The following THRAP3 variants were observed in gnomAD, a reference collection of about 807,000 sequenced individuals.
THRAP3 encodes thyroid hormone receptor-associated protein 3.
A neutral mutation model predicts 101.0 loss-of-function variants in THRAP3; 16 were observed. The ratio of observed to expected loss-of-function variants is 0.16; its 90% confidence interval spans 0.11 to 0.24. The LOEUF is 0.24. Among genes scored for constraint, THRAP3 ranks in the 10% least tolerant of loss-of-function variants. The pLI is 1.00. For missense variants in THRAP3, 989 were observed against 1,202.7 expected, an observed-to-expected ratio of 0.82 and a Z score of 2.63; for synonymous variants, 407 against 422.6, an observed-to-expected ratio of 0.96 and a Z score of 0.45.
At position 36,293,306 on chromosome 1, in the gene THRAP3, G is replaced by A. The variant is rs1645902269; in HGVS notation, c.2031-545G>A. Among the ~76,000 whole-genome samples, 6 of 152,266 alleles carry A rather than the reference G, an allele frequency of 3.9e-5. No individual in the cohort carries two copies. The South Asian group carries it at 1.0e-3, about 26-fold the overall frequency. On this transcript the variant is annotated intron_variant, in intron 7 of 11. Transcript: ENST00000354618. ...AGCCTCCCAAAGTGCTGGGATTACA[G>A]GCGTGAGCCACTGCGCCCAGCCTAA...
At chr1:36,275,635 A>C (rs1277040898) in intron 2 of THRAP3, among the ~76,000 whole-genome samples, 3 of 146,274 alleles carry the variant, frequency 2.1e-5, no homozygotes, top group Non-Finnish European at 4.5e-5. Context: ...TTTGAGATGG[A>C]GTTTCACTCT....
At chr1:36,265,388 A>G (rs1364772251) in intron 2 of THRAP3, among the ~76,000 whole-genome samples, 3 of 151,924 alleles carry the variant, frequency 2.0e-5, no homozygotes, top group Non-Finnish European at 1.5e-5. Flanking sequence ...AAAACCTCCA[A>G]AGTCACAGTA....
At chr1:36,263,619 T>G (rs1417945017) in intron 2 of THRAP3, among the ~76,000 whole-genome samples, 1 of 152,152 alleles carries the variant, frequency 6.6e-6, no homozygotes. Context: ...GGGCTAAAAT[T>G]ACTGTTACTG....
At chr1:36,269,745 T>TC (rs929775860) in intron 2 of THRAP3, among the ~76,000 whole-genome samples, 11 of 152,000 alleles carry the variant, frequency 7.2e-5, no homozygotes, top group African/African-American at 1.5e-4. Flanking sequence ...TAATTTTTTT[T>TC]TTTTTAAATC....
In THRAP3 at chr1:36,241,383, GTGTATATATATATATATATATA is replaced by G. The variant is rs1294201907; in HGVS notation, c.-135+16880_-135+16901del. ...TTCCCATTATCTGAAATGATAATGGGTGTATATATATATATATATATATATATATATATATATATATATATAC... is the reference window on the plus strand; with the variant it reads ...TTCCCATTATCTGAAATGATAATGGGTATATATATATATATATATATATAC... On this transcript the variant is annotated intron_variant, in intron 1 of 11. Coordinates refer to ENST00000354618, the MANE Select transcript of THRAP3 (RefSeq NM_005119.4). Among the ~76,000 whole-genome samples the G allele has an allele frequency of 2.8e-3, 373 of 132,094 alleles. 2 individuals carry two copies. Among genetic ancestry groups the G allele is most frequent in the Non-Finnish European group, 3.1e-3 (204 of 64,962 alleles). The allele number at this position is 132,094 out of a possible 152,430, so 86.7% of individuals were successfully genotyped here.
chr1:36,252,287 C>T (rs1394412885), intron 1 of THRAP3, among the ~76,000 whole-genome samples: 1 of 152,072 alleles, frequency 6.6e-6, no homozygotes, highest in Non-Finnish European at 1.5e-5. Context: ...CACCATGCCC[C>T]GCTAATTGTG....
intron 7 of THRAP3, among the ~76,000 whole-genome samples, chr1:36,293,104 C>G (rs1645899208): frequency 7.8e-6 from 1 of 128,166 alleles, no homozygotes; most frequent in African/African-American, 2.9e-5. Context: ...TCTCGGCTCA[C>G]TGCAACCTCT....
chr1:36,210,467 T>TC, the THRAP3 span, among the ~76,000 whole-genome samples: 1 of 149,228 alleles, frequency 6.7e-6, no homozygotes, highest in African/African-American at 2.5e-5. Context: ...GGTGGGCAGA[T>TC]TGCCTGAGGT....
intron 1 of THRAP3, among the ~76,000 whole-genome samples, chr1:36,241,410 TATATATATATATATATATAC>T (rs1557811385): frequency 5.3e-5 from 2 of 37,628 alleles, no homozygotes; most frequent in Non-Finnish European, 8.3e-5. Context: ...TATATATATA[TATATATATATATATATATAC>T]ACATATATAA....
chr1:36,245,508 C>A (rs1025861108), intron 1 of THRAP3, among the ~76,000 whole-genome samples: 1 of 152,048 alleles, frequency 6.6e-6, no homozygotes, highest in Non-Finnish European at 1.5e-5. Context: ...TCCTTAAAGA[C>A]CTTAAATATG....
intron 1 of THRAP3, among the ~76,000 whole-genome samples, chr1:36,254,793 A>ATTTTTT (rs1205051718): frequency 1.3e-5 from 2 of 152,222 alleles, no homozygotes; most frequent in East Asian, 3.8e-4. Flanking sequence ...TTGATAAAAA[A>ATTTTTT]AAATTTTTTA....
At chr1:36,278,768 A>G (rs1645694680) in intron 2 of THRAP3, among the ~76,000 whole-genome samples, 1 of 151,944 alleles carries the variant, frequency 6.6e-6, no homozygotes, top group African/African-American at 2.4e-5. Context: ...CTAAAAGTAC[A>G]AAAAATTAGC....
At chr1:36,209,193 G>T in the THRAP3 span, among the ~76,000 whole-genome samples, 4 of 152,004 alleles carry the variant, frequency 2.6e-5, no homozygotes, top group Admixed American at 2.0e-4. Context: ...GCCCAGGCTG[G>T]TCTCAAACTC....
rs71516392 is a variant in THRAP3, at chr1:36,267,953, A to G, written c.-32+8469A>G. On this transcript the variant is annotated intron_variant, in intron 2 of 11. Coordinates refer to ENST00000354618, the MANE Select transcript of THRAP3 (RefSeq NM_005119.4). The stretch of plus-strand genomic sequence containing the variant: ...CTAGTACTTTGGGAGGCCGAGGCAG[A>G]TGGATCACTTGAGGCCAGGAGTTCA... Among the ~76,000 whole-genome samples, 66 of 11,240 alleles carry G rather than the reference A, an allele frequency of 5.9e-3. 23 individuals are homozygous for G. In the East Asian group the frequency reaches 0.083, roughly 14 times the overall value. The allele number at this position is 11,240 out of a possible 152,430, so 7.4% of individuals were successfully genotyped here.
At chr1:36,210,322 C>A in the THRAP3 span, among the ~76,000 whole-genome samples, 1 of 147,144 alleles carries the variant, frequency 6.8e-6, no homozygotes, top group Admixed American at 6.9e-5. Context: ...GCGGAGATAG[C>A]GCCACTGCAC....
Position 36,298,015 on chromosome 1 carries a change from C to T in THRAP3, c.2303+1245C>T, listed in dbSNP as rs753913812. Among the ~76,000 whole-genome samples, 123 of 150,818 alleles carry T rather than the reference C, an allele frequency of 8.2e-4. 1 individual carries two copies. Among genetic ancestry groups the T allele is most frequent in the Non-Finnish European group, 1.0e-3 (71 of 67,750 alleles). ...AAAAAAAATTAGCCGGGCATGGTGG[C>T]GTGCGCCTGTAATCCCAGCTACTCG... is the stretch of plus-strand genomic sequence containing the variant. On this transcript the variant is annotated intron_variant, in intron 9 of 11. Transcript: ENST00000354618.
chr1:36,286,342 A>T lies in THRAP3; in HGVS notation c.138-26A>T, dbSNP rs1413829804. ...AAATGCTTGTGTCAAAAATTCAAAC[A>T]TTTGTCTCTTTCCTTTCCATTCCAG... On this transcript the variant is annotated intron_variant, in intron 3 of 11. Transcript: ENST00000354618. This position sits in a 1 kb window ranked among gnomAD's most constrained non-coding sequence, Gnocchi z 5.5. 1.4e-5 allele frequency: 21 copies of T among 1,539,378 alleles called. No homozygotes were observed. The highest frequency in any genetic ancestry group is 1.8e-5 in the Non-Finnish European group (21 of 1,145,386).
Position 36,289,486 on chromosome 1 carries a change from G to A in THRAP3, c.1467G>A (p.Glu489=), listed in dbSNP as rs1489563791. 1.1e-5 allele frequency: 18 copies of A among 1,614,218 alleles called. No homozygotes were observed. The highest frequency in any genetic ancestry group is 1.5e-5 in the Non-Finnish European group (18 of 1,180,040). ...AGGAAAAGCAGAGAAAAACAGAGGA[G>A]CTGGAGGAGGAGTCTTTCCCAGAGA... ...PGKEKQRKTE[E]LEEESFPERS... The change falls in exon 5 of 12, where the codon GAG becomes GAA. Residue 489 remains glutamate (E), a synonymous_variant. Transcript: ENST00000354618.
chr1:36,255,845 C>A (rs1218558702), intron 1 of THRAP3, among the ~76,000 whole-genome samples: 1 of 151,488 alleles, frequency 6.6e-6, no homozygotes, highest in African/African-American at 2.4e-5. Context: ...AAAATTCAGT[C>A]TTGTGTACCA....
Sources: allele counts gnomAD v4.1 joint callset (sites outside exome capture counted in the v4.1 genomes callset), GRCh38; gene constraint gnomAD v4.1.1; non-coding constraint Gnocchi (gnomAD v3.1); transcripts MANE v1.5; gene names NCBI Gene and HGNC (gene_info 2026-07-23, HGNC 2026-07-21).